ESRP1: variants seen among roughly 807,000 people sequenced by gnomAD.
ESRP1 encodes the protein epithelial splicing regulatory protein 1.
Under a neutral mutation model 81.7 loss-of-function variants are expected in ESRP1, and 33 were observed. The observed-to-expected ratio is 0.40, with a 90% CI of 0.31 to 0.54. The LOEUF is 0.54. Among genes scored for constraint, ESRP1 ranks in the 20% least tolerant of loss-of-function variants. ESRP1 has a pLI of 0.41. For synonymous variants in ESRP1, 320 were observed against 303.3 expected, an observed-to-expected ratio of 1.06 and a Z score of -0.57; for missense variants, 672 against 833.1, an observed-to-expected ratio of 0.81 and a Z score of 2.38.
At position 94,706,792 on chromosome 8, in the gene ESRP1, T is replaced by C. The variant is rs535344396; in HGVS notation, c.*903T>C. 12 of 152,356 alleles carry C rather than the reference T, an allele frequency of 7.9e-5. No homozygotes were observed. In the South Asian group the frequency reaches 8.3e-4, roughly 11 times the overall value. The allele number at this position is 152,356 out of a possible 1,614,324, so 9.4% of individuals were successfully genotyped here. On this transcript the variant is annotated 3_prime_UTR_variant, in exon 16 of 16. Coordinates refer to ENST00000433389, the MANE Select transcript of ESRP1 (RefSeq NM_017697.4). ...GAAGTGAGACAATTTGAACAGTGTATTCTAGAAAACAATACACTAACTGAA... is the reference window on the plus strand; with the variant it reads ...GAAGTGAGACAATTTGAACAGTGTACTCTAGAAAACAATACACTAACTGAA...
At chr8:94,698,605 G>A (rs1809696355) in intron 15 of ESRP1, among the ~76,000 whole-genome samples, 1 of 152,174 alleles carries the variant, frequency 6.6e-6, no homozygotes. Flanking sequence ...CATTCTTTGA[G>A]GCTTCTTGGG....
At chr8:94,690,741 T>C (rs2722886) in intron 13 of ESRP1, among the ~76,000 whole-genome samples, 127,131 of 152,034 alleles carry the variant, frequency 0.84, 53,563 homozygotes, top group South Asian at 0.9. Flanking sequence ...TTTAGGCAAG[T>C]GGAATAGAAT....
intron 9 of ESRP1, among the ~76,000 whole-genome samples, chr8:94,666,921 G>T (rs1487977494): frequency 6.6e-6 from 1 of 152,126 alleles, no homozygotes; most frequent in African/African-American, 2.4e-5. Context: ...TGCTATTAGG[G>T]GCTGGGCTTG....
chr8:94,688,461 G>A (rs1215080017), intron 13 of ESRP1: 2 of 247,716 alleles, frequency 8.1e-6, no homozygotes, highest in Admixed American at 8.3e-5. Context: ...CAGATTTCAC[G>A]TGCAACTCAA....
chr8:94,674,543 A>T (rs1267048985), intron 12 of ESRP1, 37 bp downstream of exon 12: 3 of 1,573,270 alleles, frequency 1.9e-6, no homozygotes, highest in African/African-American at 2.7e-5. Flanking sequence ...ATTCTACGCT[A>T]TATGCTGGTA....
intron 14 of ESRP1, among the ~76,000 whole-genome samples, chr8:94,694,580 G>A (rs1002446672): frequency 6.6e-6 from 1 of 152,160 alleles, no homozygotes; most frequent in Non-Finnish European, 1.5e-5. Flanking sequence ...CTCCAGCCTG[G>A]GTGACAGAAC....
intron 4 of ESRP1, among the ~76,000 whole-genome samples, chr8:94,651,823 C>G (rs953293434): frequency 6.6e-6 from 1 of 151,890 alleles, no homozygotes; most frequent in Non-Finnish European, 1.5e-5. Flanking sequence ...ATTAAACAGG[C>G]TGGTCTTGAA....
intron 13 of ESRP1, among the ~76,000 whole-genome samples, chr8:94,689,629 C>T (rs1296478954): frequency 6.6e-6 from 1 of 151,770 alleles, no homozygotes; most frequent in African/African-American, 2.4e-5. Flanking sequence ...CAGTAATCCA[C>T]AAAAGACCTT....
chr8:94,678,348 G>A lies in ESRP1; in HGVS notation c.1797G>A (p.Met599Ile). ...AYYPAGTQLFMNYTAYYPSPP... is the reference protein window; with the variant it reads ...AYYPAGTQLFINYTAYYPSPP... The stretch of plus-strand genomic sequence containing the variant: ...ACCCAGCAGGCACTCAGCTCTTCAT[G>A]AATTACACAGCGTACTATCCCAGGT... Residue 599 changes from methionine (M) to isoleucine (I), a missense_variant, in exon 13 of 16, where the codon ATG becomes ATA. Physicochemically the swap from Met to Ile is conservative, Grantham distance 10. Coordinates refer to ENST00000433389, the MANE Select transcript of ESRP1 (RefSeq NM_017697.4). 1 of 1,613,892 alleles carries A rather than the reference G, an allele frequency of 6.2e-7. No homozygotes were observed.
intron 4 of ESRP1, chr8:94,656,033 T>C (rs1342704551): frequency 6.6e-6 from 1 of 151,612 alleles, no homozygotes; most frequent in Non-Finnish European, 1.5e-5. Context: ...CACAGTAGGT[T>C]CATCATCAAT....
chr8:94,653,465 T>A (rs2130567924), intron 4 of ESRP1, among the ~76,000 whole-genome samples: 1 of 152,280 alleles, frequency 6.6e-6, no homozygotes, highest in East Asian at 1.9e-4. Flanking sequence ...TGCCCCACAC[T>A]CTGCAATGTT....
chr8:94,661,591 C>G (rs1426656526), intron 4 of ESRP1, among the ~76,000 whole-genome samples: 1 of 152,110 alleles, frequency 6.6e-6, no homozygotes, highest in East Asian at 1.9e-4. Context: ...CATGTGAATT[C>G]CTGGTTTCAC....
At chr8:94,669,485 A>G (rs1349109691) in intron 10 of ESRP1, among the ~76,000 whole-genome samples, 7 of 152,174 alleles carry the variant, frequency 4.6e-5, no homozygotes, top group Non-Finnish European at 1.0e-4. Flanking sequence ...TGTACTTAAA[A>G]TAAGTATAAT....
chr8:94,645,483 G>T (rs1356100456), intron 3 of ESRP1, among the ~76,000 whole-genome samples: 2 of 151,830 alleles, frequency 1.3e-5, no homozygotes, highest in Admixed American at 1.3e-4. Context: ...GTTGAGCTTT[G>T]CTTCGTAGCC....
At chr8:94,663,589 G>A (rs534104928) in intron 6 of ESRP1, among the ~76,000 whole-genome samples, 63 of 152,286 alleles carry the variant, frequency 4.1e-4, no homozygotes, top group African/African-American at 1.4e-3. Flanking sequence ...CTGGGGAGAA[G>A]TATGAAGTGG....
chr8:94,703,192 A>G (rs1056063442), intron 15 of ESRP1, among the ~76,000 whole-genome samples: 4 of 142,982 alleles, frequency 2.8e-5, no homozygotes, highest in African/African-American at 1.1e-4. Context: ...GTCTTGCTCT[A>G]TCCCCAGGCT....
At chr8:94,648,752 G>A (rs1817964620) in intron 4 of ESRP1, among the ~76,000 whole-genome samples, 1 of 152,226 alleles carries the variant, frequency 6.6e-6, no homozygotes. Context: ...AAGAGAATGT[G>A]CAGGTTGAAG....
At chr8:94,674,137 A>C (rs1387817395) in intron 11 of ESRP1, among the ~76,000 whole-genome samples, 171 bp from the exon 12 acceptor site, 1 of 152,184 alleles carries the variant, frequency 6.6e-6, no homozygotes, top group Non-Finnish European at 1.5e-5. Context: ...CATTCTGGTG[A>C]TCAGGTGATG....
rs1358276031 is a variant in ESRP1 at position 94,678,282 on chromosome 8, G to C, written c.1731G>C (p.Val577=). 1 of 1,613,852 alleles carries C rather than the reference G, an allele frequency of 6.2e-7. No individual in the cohort carries two copies. Among genetic ancestry groups the C allele is most frequent in the African/African-American group, 1.3e-5 (1 of 74,922 alleles). Residue 577 remains valine (V), a synonymous_variant, in exon 13 of 16, where the codon GTG becomes GTC. Coordinates refer to ENST00000433389, the MANE Select transcript of ESRP1 (RefSeq NM_017697.4). ...AAGCTGCCATTTACCAGCCCTCTGT[G>C]ATTTTGAATCCACGAGCACTGCAGC... ...PTEAAIYQPS[V]ILNPRALQPS... is the part of the protein sequence containing the mutation.
Sources: gnomAD v4.1 joint callset for allele counts (sites outside exome capture counted in the v4.1 genomes callset) on GRCh38, gnomAD v4.1.1 for gene constraint, MANE v1.5 for transcripts, NCBI Gene and HGNC (gene_info 2026-07-23, HGNC 2026-07-21) for gene names.